Variants in SPMIP4 observed in about 807,000 individuals in gnomAD.
SPMIP4 encodes sperm microtubule inner protein 4, also known as sperm-associated microtubule inner protein 4.
chr7:25,151,620 C>T, the SPMIP4 span: 3 of 1,609,358 alleles, frequency 1.9e-6, no homozygotes, highest in Non-Finnish European at 8.5e-7. Context: ...CTTGACCTGG[C>T]CAAGTCAGTG....
chr7:25,125,893 C>T, the SPMIP4 span: 1 of 985,170 alleles, frequency 1.0e-6, no homozygotes, highest in Non-Finnish European at 1.2e-6. Flanking sequence ...TACTTTCAGT[C>T]ACATTCCAGC....
the SPMIP4 span, chr7:25,180,101 G>T: frequency 6.6e-6 from 1 of 152,326 alleles, no homozygotes; most frequent in South Asian, 2.1e-4. Context: ...AGGCAGGGGC[G>T]GGGGCGGGAG....
At chr7:25,172,612 T>C in the SPMIP4 span, among the ~76,000 whole-genome samples, 2 of 152,054 alleles carry the variant, frequency 1.3e-5, no homozygotes, top group African/African-American at 4.8e-5. The surrounding 1 kb of genome is among the most constrained non-coding windows in gnomAD (Gnocchi z 4.2). Flanking sequence ...TCTGGGTCAG[T>C]GTGTTGTTTT....
chr7:25,147,429 T>G, the SPMIP4 span, among the ~76,000 whole-genome samples: 5 of 152,124 alleles, frequency 3.3e-5, no homozygotes, highest in African/African-American at 1.2e-4. Context: ...AGGCCCCGAA[T>G]AGAGTGATAA....
the SPMIP4 span, among the ~76,000 whole-genome samples, chr7:25,164,192 A>G: frequency 6.6e-6 from 1 of 152,160 alleles, no homozygotes; most frequent in Non-Finnish European, 1.5e-5. Flanking sequence ...ACTTATGGTT[A>G]CACTTGAGAA....
chr7:25,148,723 C>T, the SPMIP4 span, among the ~76,000 whole-genome samples: 39 of 152,292 alleles, frequency 2.6e-4, 1 homozygote, highest in South Asian at 5.8e-3. Flanking sequence ...GATCCACCTG[C>T]CTTGGCCTCC....
the SPMIP4 span, among the ~76,000 whole-genome samples, chr7:25,145,921 A>AAT: frequency 6.9e-6 from 1 of 145,210 alleles, no homozygotes; most frequent in East Asian, 2.1e-4. Context: ...AAAAGCAAAT[A>AAT]TAGTTTTTTT....
the SPMIP4 span, chr7:25,135,519 C>G: frequency 7.1e-6 from 7 of 984,922 alleles, no homozygotes; most frequent in East Asian, 6.8e-4. Flanking sequence ...CCTAATGCTA[C>G]TATGTACAAA....
chr7:25,148,996 C>T, the SPMIP4 span, among the ~76,000 whole-genome samples: 1 of 152,206 alleles, frequency 6.6e-6, no homozygotes, highest in East Asian at 1.9e-4. Flanking sequence ...AGATTGGTTA[C>T]ACCTTAATGT....
At chr7:25,162,682 G>A in the SPMIP4 span, among the ~76,000 whole-genome samples, 14 of 152,102 alleles carry the variant, frequency 9.2e-5, no homozygotes, top group African/African-American at 3.4e-4. Context: ...ACACTACCAT[G>A]ACAATATAAA....
At chr7:25,158,695 T>C in the SPMIP4 span, among the ~76,000 whole-genome samples, 2 of 150,278 alleles carry the variant, frequency 1.3e-5, no homozygotes, top group African/African-American at 2.5e-5. Flanking sequence ...AGCTCAGGAG[T>C]TCGAGACCAG....
At chr7:25,167,567 C>G in the SPMIP4 span, among the ~76,000 whole-genome samples, 1 of 152,192 alleles carries the variant, frequency 6.6e-6, no homozygotes, top group Non-Finnish European at 1.5e-5. Flanking sequence ...ATAAGGTCAT[C>G]GGCGGCACAT....
At chr7:25,133,827 C>T in the SPMIP4 span, among the ~76,000 whole-genome samples, 2 of 152,260 alleles carry the variant, frequency 1.3e-5, no homozygotes, top group African/African-American at 4.8e-5. Flanking sequence ...AACATTTCAG[C>T]TTATCCATTG....
chr7:25,171,887 C>T, the SPMIP4 span, among the ~76,000 whole-genome samples: 1 of 152,160 alleles, frequency 6.6e-6, no homozygotes, highest in African/African-American at 2.4e-5. Flanking sequence ...TGCATCTACC[C>T]TAAACTTAAG....
At chr7:25,164,601 A>G in the SPMIP4 span, among the ~76,000 whole-genome samples, 1 of 152,226 alleles carries the variant, frequency 6.6e-6, no homozygotes, top group Non-Finnish European at 1.5e-5. Flanking sequence ...TGGAATAGGT[A>G]GTGAAGGAAG....
At chr7:25,146,191 G>A in the SPMIP4 span, among the ~76,000 whole-genome samples, 1 of 152,160 alleles carries the variant, frequency 6.6e-6, no homozygotes, top group Non-Finnish European at 1.5e-5. Flanking sequence ...TGAGAGACTG[G>A]CAGAGAGAAT....
the SPMIP4 span, among the ~76,000 whole-genome samples, chr7:25,173,492 T>C: frequency 2.6e-5 from 4 of 152,184 alleles, no homozygotes; most frequent in Non-Finnish European, 5.9e-5. This position sits in a 1 kb window ranked among gnomAD's most constrained non-coding sequence, Gnocchi z 4.4. Context: ...CTACAATATT[T>C]ACCATCTGGC....
the SPMIP4 span, among the ~76,000 whole-genome samples, chr7:25,170,893 A>G: frequency 6.6e-6 from 1 of 152,228 alleles, no homozygotes; most frequent in East Asian, 1.9e-4. Flanking sequence ...CTACTTACCC[A>G]TAAGTTTTAT....
the SPMIP4 span, chr7:25,155,072 C>T: frequency 1.6e-5 from 26 of 1,613,970 alleles, no homozygotes; most frequent in African/African-American, 3.1e-4. Context: ...GAAAGGGCTG[C>T]TGGGTGCGGG....
Sources: gnomAD v4.1 joint callset for allele counts (sites outside exome capture counted in the v4.1 genomes callset) on GRCh38, gnomAD v4.1.1 for gene constraint, Gnocchi (gnomAD v3.1) non-coding constraint, MANE v1.5 for transcripts, NCBI Gene and HGNC (gene_info 2026-07-23, HGNC 2026-07-21) for gene names.